Variants in DYSF observed in about 807,000 individuals in gnomAD.
The protein encoded by DYSF is dystrophy-associated fer-1-like 1.
DYSF carries 212 observed loss-of-function variants against 274.9 expected under a neutral mutation model. That is an observed-to-expected ratio of 0.77 (90% CI 0.69 to 0.86). The LOEUF is 0.86. DYSF is among the 40% of genes least tolerant of loss of function. DYSF has a pLI of 0.00. For synonymous variants in DYSF, 1,091 were observed against 1,078.7 expected, an observed-to-expected ratio of 1.01 and a Z score of -0.22; for missense variants, 2,666 against 2,783.2, an observed-to-expected ratio of 0.96 and a Z score of 0.95.
Position 71,667,441 on chromosome 2 carries a change from C to T in DYSF, c.5383C>T (p.Gln1795Ter), listed in dbSNP as rs727503912. ...GGAGCGTCTGGCTCTGCATGTGCTT[C>T]AGCAGCAGGGCCTGGTCCCGGAGCA... ...VEERLALHVLQQQGLVPEHVE... is the reference protein window; with the variant it reads ...VEERLALHVL The change falls in exon 48 of 56, where the codon CAG becomes TAG. Residue 1795 changes from glutamine to a stop codon, truncating the protein, a stop_gained. Coordinates refer to ENST00000410020, the MANE Select transcript of DYSF (RefSeq NM_001130987.2). LOFTEE classifies it high-confidence loss of function. 1 of 1,614,140 alleles carries T rather than the reference C, an allele frequency of 6.2e-7. No homozygotes were observed. Among genetic ancestry groups the T allele is most frequent in the East Asian group, 2.2e-5 (1 of 44,884 alleles).
At chr2:71,597,145 T>A (rs1019296363) in intron 32 of DYSF, among the ~76,000 whole-genome samples, 12 of 152,070 alleles carry the variant, frequency 7.9e-5, no homozygotes, top group African/African-American at 2.9e-4. Context: ...AGCCCCTGGG[T>A]TGTGTTTGAA....
chr2:71,607,674 G>A (rs891360957), intron 36 of DYSF, among the ~76,000 whole-genome samples: 3 of 152,136 alleles, frequency 2.0e-5, no homozygotes, highest in African/African-American at 7.2e-5. Context: ...AGATGTTCAG[G>A]AGACAGGATT....
rs144821807 is a variant in DYSF at position 71,539,286 on chromosome 2, C to G, written c.1576+47C>G. 3 of 1,517,666 alleles carry G rather than the reference C, an allele frequency of 2.0e-6. No individual in the cohort carries two copies. In the African/African-American group the frequency reaches 4.1e-5, roughly 21 times the overall value. The allele number at this position is 1,517,666 out of a possible 1,614,324, so 94.0% of individuals were successfully genotyped here. A position where few individuals can be genotyped will look rare whatever the true frequency, so the allele number is the denominator to read the frequency against. ...CCCTTTGACCCCCTGTGCTCTCCCC[C>G]GTACCCCCTCTATCCAGCTTACACT... On this transcript the variant is annotated intron_variant, in intron 17 of 55. Coordinates refer to ENST00000410020, the MANE Select transcript of DYSF (RefSeq NM_001130987.2).
At chr2:71,674,089 A>G (rs972739300) in intron 51 of DYSF, 108 bp from the exon 52 acceptor site, 1 of 936,518 alleles carries the variant, frequency 1.1e-6, no homozygotes, top group Admixed American at 2.0e-5. Context: ...TCCCTTGGGG[A>G]CATCCTACTC....
chr2:71,592,154 G>T lies in DYSF; in HGVS notation c.3574+1866G>T, dbSNP rs535199273. Among the ~76,000 whole-genome samples, 565 of 152,338 alleles carry T rather than the reference G, an allele frequency of 3.7e-3. 5 individuals are homozygous for T. Among genetic ancestry groups the T allele is most frequent in the African/African-American group, 0.013 (535 of 41,584 alleles). On this transcript the variant is annotated intron_variant, in intron 32 of 55. Coordinates refer to ENST00000410020, the MANE Select transcript of DYSF (RefSeq NM_001130987.2). The stretch of plus-strand genomic sequence containing the variant: ...TGTGAGAGGGGGATGGCCAGGGGGG[G>T]CCCAGGCAGAAGCCCCCTTGTCCTC...
rs1553412837 is a variant in DYSF, at chr2:71,664,442, C to CGT, written c.5174+6_5174+7dup. Reference sequence around the variant, plus strand: ...GACTCCCACAGACCTACTGTGTGTACGTGGATGGGGGCTGGCTGCCTGCTT... The same window carrying CGT: ...GACTCCCACAGACCTACTGTGTGTACGTGTGGATGGGGGCTGGCTGCCTGCTT... On this transcript the variant is annotated splice_donor_region_variant and intron_variant, in intron 46 of 55. Coordinates refer to ENST00000410020, the MANE Select transcript of DYSF (RefSeq NM_001130987.2). 1.2e-6 allele frequency: 2 copies of CGT among 1,613,938 alleles called. No individual in the cohort carries two copies.
chr2:71,601,533 G>C lies in DYSF; in HGVS notation c.3927+5G>C. The C allele has an allele frequency of 6.2e-7, 1 of 1,614,210 alleles. No individual in the cohort carries two copies. The highest frequency in any genetic ancestry group is 8.5e-7 in the Non-Finnish European group (1 of 1,180,048). Reference sequence around the variant, plus strand: ...CACCATATTCCTGGTTTTGAGGTAAGTCTTGCTCTGACCTTTCCTTCTTCA... The same window carrying C: ...CACCATATTCCTGGTTTTGAGGTAACTCTTGCTCTGACCTTTCCTTCTTCA... On this transcript the variant is annotated splice_donor_5th_base_variant and intron_variant, in intron 35 of 55. Transcript: ENST00000410020.
In DYSF at chr2:71,682,610, C is replaced by A. The variant is rs1271141178; in HGVS notation, c.6254C>A (p.Ala2085Asp). 27 of 1,614,038 alleles carry A rather than the reference C, an allele frequency of 1.7e-5. No homozygotes were observed. The highest frequency in any genetic ancestry group is 1.7e-6 in the Non-Finnish European group (2 of 1,180,038). Residue 2085 changes from alanine to aspartate, a missense_variant, in exon 55 of 56, where the codon GCC becomes GAC. Coordinates refer to ENST00000410020, the MANE Select transcript of DYSF (RefSeq NM_001130987.2). Reference protein sequence around the residue: ...KFILWRRFRWAIILFIILFIL... With the variant: ...KFILWRRFRWDIILFIILFIL... ...ATCCTGTGGCGGCGTTTCCGGTGGG[C>A]CATCATCCTCTTCATCATCCTCTTC...
At chr2:71,561,200 T>A (rs1042847895) in intron 22 of DYSF, among the ~76,000 whole-genome samples, 2 of 152,172 alleles carry the variant, frequency 1.3e-5, no homozygotes, top group African/African-American at 4.8e-5. Flanking sequence ...GGAAGGGTTC[T>A]GTTGTGGCTC....
Position 71,551,146 on chromosome 2 carries a change from A to T in DYSF, c.1682A>T (p.Asn561Ile). The T allele has an allele frequency of 6.2e-7, 1 of 1,614,074 alleles. No individual in the cohort carries two copies. The highest frequency in any genetic ancestry group is 1.1e-5 in the South Asian group (1 of 91,088). The change falls in exon 18 of 56, where the codon AAC (asparagine) becomes ATC (isoleucine). Residue 561 changes from asparagine to isoleucine, a missense_variant. Transcript: ENST00000410020. ...TGFPDPYTEL[N>I]TGKGEGVAYR... The stretch of plus-strand genomic sequence containing the variant: ...TTCCCAGACCCCTACACAGAGCTCA[A>T]CACAGGCAAGGTAAGCCGGCTGGAG...
intron 4 of DYSF, among the ~76,000 whole-genome samples, chr2:71,510,569 C>A (rs2085987128): frequency 6.6e-6 from 1 of 152,182 alleles, no homozygotes; most frequent in African/African-American, 2.4e-5. Flanking sequence ...GTGCTGCTCT[C>A]CTTAGTGTGG....
At chr2:71,478,251 G>A (rs1224394538) in intron 1 of DYSF, among the ~76,000 whole-genome samples, 13 of 144,340 alleles carry the variant, frequency 9.0e-5, no homozygotes, top group South Asian at 4.4e-4. Context: ...TCACTCTGTC[G>A]CCCAGGCTGG....
At chr2:71,682,108 A>G (rs369952603) in intron 54 of DYSF, among the ~76,000 whole-genome samples, 1 of 151,590 alleles carries the variant, frequency 6.6e-6, no homozygotes, top group East Asian at 2.0e-4. Context: ...CTGAGCATGG[A>G]CTAGCCATGT....
At chr2:71,612,986 G>A (rs150652296) in intron 39 of DYSF, among the ~76,000 whole-genome samples, 180 bp downstream of exon 39, 17 of 152,316 alleles carry the variant, frequency 1.1e-4, no homozygotes, top group African/African-American at 3.6e-4. Flanking sequence ...AGCTCTGGGT[G>A]GGGGGCACCA....
In DYSF at chr2:71,600,743, T is replaced by C. The variant is rs2152858798; in HGVS notation, c.3798T>C (p.Ser1266=). 6.2e-7 allele frequency: 1 copy of C among 1,613,936 alleles called. No individual in the cohort carries two copies. Among genetic ancestry groups the C allele is most frequent in the Non-Finnish European group, 8.5e-7 (1 of 1,179,996 alleles). ...EFMGRCICQP[S]LERMPRLAWF... is the part of the protein sequence containing the mutation. ...TGGGTCGCTGCATCTGTCAACCGAG[T>C]CTGGAACGGATGCCACGGCTGGCCT... The change falls in exon 34 of 56, where the codon AGT becomes AGC. Residue 1266 remains serine (S), a synonymous_variant. Coordinates refer to ENST00000410020, the MANE Select transcript of DYSF (RefSeq NM_001130987.2).
chr2:71,679,594 C>T (rs1384789937), intron 53 of DYSF, among the ~76,000 whole-genome samples: 7 of 152,162 alleles, frequency 4.6e-5, no homozygotes, highest in Non-Finnish European at 1.0e-4. Context: ...GAGCAGGACC[C>T]TCCAAGGGAC....
intron 14 of DYSF, among the ~76,000 whole-genome samples, chr2:71,530,327 G>A (rs548455395): frequency 1.4e-3 from 219 of 152,314 alleles, no homozygotes; most frequent in Middle Eastern, 3.4e-3. Flanking sequence ...AAGGTATTTC[G>A]ATGGTGGCTA....
intron 45 of DYSF, among the ~76,000 whole-genome samples, chr2:71,661,382 C>T (rs1362628128): frequency 6.6e-6 from 1 of 152,082 alleles, no homozygotes; most frequent in Non-Finnish European, 1.5e-5. Context: ...TGGTGCATTA[C>T]GTTTAACCAA....
intron 3 of DYSF, among the ~76,000 whole-genome samples, chr2:71,483,419 G>T (rs1337544261): frequency 1.3e-5 from 2 of 152,214 alleles, no homozygotes; most frequent in Admixed American, 6.5e-5. Context: ...CTGGAGGAGG[G>T]TCACTCAGAC....
Sources: gnomAD v4.1 joint callset for allele counts (sites outside exome capture counted in the v4.1 genomes callset) on GRCh38, gnomAD v4.1.1 for gene constraint, MANE v1.5 for transcripts, NCBI Gene and HGNC (gene_info 2026-07-23, HGNC 2026-07-21) for gene names.